The following CSMD1 variants were observed in gnomAD, a reference collection of about 807,000 sequenced individuals.
CSMD1 encodes the protein CUB and Sushi multiple domains 1, also known as CUB and sushi domain-containing protein 1.
Under a neutral mutation model 417.5 loss-of-function variants are expected in CSMD1, and 213 were observed. The observed-to-expected ratio is 0.51, with a 90% CI of 0.46 to 0.57. The LOEUF is 0.57. Among genes scored for constraint, CSMD1 ranks in the 20% least tolerant of loss-of-function variants. The probability of loss-of-function intolerance (pLI) is 0.00; values close to 1 mark genes in which losing one functional copy is unlikely to be tolerated. For synonymous variants in CSMD1, 2,862 were observed against 1,736.8 expected (o/e 1.65, Z -16.11); for missense variants, 6,923 against 4,529.7 (o/e 1.53, Z -15.17).
chr8:4,116,550 C>G lies in CSMD1; in HGVS notation c.416-84451G>C, dbSNP rs531723384. ...AGGTACCTGGATGGAACAAACGCGCCATGAATGAACCCTAACGTAAGCTGT... is the reference window on the plus strand; with the variant it reads ...AGGTACCTGGATGGAACAAACGCGCGATGAATGAACCCTAACGTAAGCTGT... On this transcript the variant is annotated intron_variant, in intron 3 of 69. Coordinates refer to ENST00000635120, the MANE Select transcript of CSMD1 (RefSeq NM_033225.6). Among the ~76,000 whole-genome samples the G allele has an allele frequency of 8.0e-5, 6 of 74,928 alleles. 1 individual carries two copies. The East Asian group carries it at 3.6e-3, about 45-fold the overall frequency. The allele number at this position is 74,928 out of a possible 152,430, so 49.2% of individuals were successfully genotyped here.
intron 6 of CSMD1, among the ~76,000 whole-genome samples, chr8:3,725,141 T>C (rs555835188): frequency 5.3e-5 from 8 of 151,912 alleles, no homozygotes; most frequent in African/African-American, 1.4e-4. Context: ...AGCAGATAGA[T>C]AGGAAAGGGA....
intron 11 of CSMD1, among the ~76,000 whole-genome samples, chr8:3,474,753 A>T (rs1191384670): frequency 6.6e-6 from 1 of 152,198 alleles, no homozygotes; most frequent in Non-Finnish European, 1.5e-5. Context: ...ATACTTTAAC[A>T]TTCATCAAAA....
intron 3 of CSMD1, among the ~76,000 whole-genome samples, chr8:4,044,775 C>A (rs1001390894): frequency 2.0e-5 from 3 of 152,218 alleles, no homozygotes; most frequent in Admixed American, 1.3e-4. Context: ...GCACCCTAGC[C>A]GTGTAGCACC....
chr8:3,626,560 C>G (rs2244650), intron 7 of CSMD1, among the ~76,000 whole-genome samples: 120,667 of 151,376 alleles, frequency 0.8, 48,317 homozygotes, highest in East Asian at 0.97. Flanking sequence ...ATTAAATCTT[C>G]AAGTTTTATT....
At chr8:4,854,265 TC>T (rs1801657503) in intron 1 of CSMD1, among the ~76,000 whole-genome samples, 1 of 152,144 alleles carries the variant, frequency 6.6e-6, no homozygotes, top group Non-Finnish European at 1.5e-5. Context: ...TGAAATATAA[TC>T]CCCAGTGTTG....
chr8:4,597,774 G>A (rs1800365781), intron 2 of CSMD1, among the ~76,000 whole-genome samples: 2 of 152,046 alleles, frequency 1.3e-5, no homozygotes, highest in East Asian at 3.9e-4. Context: ...GTAATGGGAT[G>A]ACTTTCATAG....
intron 1 of CSMD1, among the ~76,000 whole-genome samples, chr8:4,994,075 C>G (rs997299462): frequency 6.6e-6 from 1 of 151,542 alleles, no homozygotes; most frequent in Non-Finnish European, 1.5e-5. Context: ...CCTGTACTGC[C>G]GAGAAAAAGA....
intron 3 of CSMD1, among the ~76,000 whole-genome samples, chr8:4,287,916 C>G (rs1027187843): frequency 6.6e-6 from 1 of 152,070 alleles, no homozygotes; most frequent in Non-Finnish European, 1.5e-5. Context: ...CATCACATAT[C>G]TATGGTCATG....
intron 3 of CSMD1, among the ~76,000 whole-genome samples, chr8:4,069,251 T>A (rs1439819106): frequency 2.0e-5 from 3 of 152,214 alleles, no homozygotes; most frequent in African/African-American, 7.2e-5. Context: ...AAAATTTTGG[T>A]AAAGATTACT....
chr8:4,436,312 G>C (rs1030732229), intron 2 of CSMD1, among the ~76,000 whole-genome samples: 2 of 151,758 alleles, frequency 1.3e-5, no homozygotes, highest in South Asian at 2.1e-4. Flanking sequence ...ATCTGTTTTT[G>C]TCACTATAAA....
chr8:3,981,157 C>G (rs775317431), intron 5 of CSMD1, among the ~76,000 whole-genome samples: 13 of 152,182 alleles, frequency 8.5e-5, no homozygotes, highest in African/African-American at 3.1e-4. Context: ...AGTTACGCTG[C>G]ATGTACAAGA....
At chr8:3,796,523 ATATC>A (rs1266659845) in intron 5 of CSMD1, among the ~76,000 whole-genome samples, 2 of 144,308 alleles carry the variant, frequency 1.4e-5, no homozygotes, top group Non-Finnish European at 3.0e-5. Flanking sequence ...CTATATATCT[ATATC>A]TAAGATATAT....
intron 3 of CSMD1, among the ~76,000 whole-genome samples, chr8:4,053,863 C>T (rs1798560009): frequency 6.6e-6 from 1 of 152,020 alleles, no homozygotes. Flanking sequence ...TATATATTGA[C>T]TATACATGAA....
In CSMD1 at chr8:4,180,846, A is replaced by G. The variant is rs556111205; in HGVS notation, c.416-148747T>C. On this transcript the variant is annotated intron_variant, in intron 3 of 69. Coordinates refer to ENST00000635120, the MANE Select transcript of CSMD1 (RefSeq NM_033225.6). ...CAACCAAAATAACAACAATTATGAT[A>G]TTTAAAAGCTCACGATACTAAATTC... Among the ~76,000 whole-genome samples the G allele has an allele frequency of 8.5e-5, 13 of 152,290 alleles. No homozygotes were observed. The South Asian group carries it at 1.9e-3, about 22-fold the overall frequency.
At chr8:4,409,309 T>C (rs1165382141) in intron 3 of CSMD1, among the ~76,000 whole-genome samples, 1 of 152,214 alleles carries the variant, frequency 6.6e-6, no homozygotes, top group Non-Finnish European at 1.5e-5. Context: ...ATATGTGTTT[T>C]TTCTTCTCTT....
chr8:4,030,110 G>C (rs987501567), intron 4 of CSMD1, among the ~76,000 whole-genome samples: 2 of 152,186 alleles, frequency 1.3e-5, no homozygotes, highest in South Asian at 2.1e-4. Flanking sequence ...GCTGTTAACT[G>C]TCTGCAGCTT....
At chr8:3,611,250 TA>T (rs35781024) in intron 8 of CSMD1, among the ~76,000 whole-genome samples, 99,878 of 149,790 alleles carry the variant, frequency 0.67, 34,032 homozygotes, top group Non-Finnish European at 0.77. Flanking sequence ...AAAGTTAAAT[TA>T]AAAAAAAAAA....
At chr8:3,164,846 T>A (rs943596230) in intron 37 of CSMD1, among the ~76,000 whole-genome samples, 1 of 152,158 alleles carries the variant, frequency 6.6e-6, no homozygotes, top group African/African-American at 2.4e-5. Context: ...AACTTGCATG[T>A]TTTACCCATA....
chr8:4,551,845 AT>A (rs1287573499), intron 2 of CSMD1, among the ~76,000 whole-genome samples: 1 of 141,138 alleles, frequency 7.1e-6, no homozygotes, highest in Non-Finnish European at 1.5e-5. Flanking sequence ...CACATGGCTA[AT>A]TTTTTGTATT....
Sources: allele counts gnomAD v4.1 joint callset (sites outside exome capture counted in the v4.1 genomes callset), GRCh38; gene constraint gnomAD v4.1.1; transcripts MANE v1.5; gene names NCBI Gene and HGNC (gene_info 2026-07-23, HGNC 2026-07-21).